Variants in SEC31B observed in about 807,000 individuals in gnomAD.
SEC31B encodes the protein protein transport protein Sec31B.
SEC31B carries 113 observed loss-of-function variants against 135.0 expected under a neutral mutation model. The ratio of observed to expected loss-of-function variants is 0.84; its 90% confidence interval spans 0.72 to 0.98. The LOEUF (loss-of-function observed/expected upper bound fraction) is 0.98. Ranked by LOEUF, SEC31B falls within the 50% of genes least tolerant of loss-of-function variation. SEC31B has a pLI of 0.00. For missense variants in SEC31B, 1,296 were observed against 1,421.1 expected (o/e 0.91, Z 1.42); for synonymous variants, 508 against 549.4 (o/e 0.92, Z 1.05).
intron 3 of SEC31B, among the ~76,000 whole-genome samples, chr10:100,514,852 G>T (rs1048609827): frequency 7.3e-5 from 11 of 150,876 alleles, no homozygotes; most frequent in Non-Finnish European, 3.0e-5. Flanking sequence ...GTGGTGGCGC[G>T]CACCTGTAGT....
At chr10:100,516,539 C>T (rs1334074007) in intron 2 of SEC31B, among the ~76,000 whole-genome samples, 1 of 150,504 alleles carries the variant, frequency 6.6e-6, no homozygotes, top group Non-Finnish European at 1.5e-5. Context: ...GTCCCAGCTA[C>T]TCAGGAGGCT....
At chr10:100,519,640 G>C (rs1851916449) in intron 1 of SEC31B, 142 bp downstream of exon 1, 1 of 152,352 alleles carries the variant, frequency 6.6e-6, no homozygotes, top group Non-Finnish European at 1.5e-5. Flanking sequence ...CCGAGGCCCG[G>C]ACCCGCGGGC....
At chr10:100,504,892 T>C (rs761318448) in intron 10 of SEC31B, among the ~76,000 whole-genome samples, 6 of 152,054 alleles carry the variant, frequency 3.9e-5, no homozygotes, top group Admixed American at 1.3e-4. Flanking sequence ...AACTGGAACA[T>C]AGAGAACATA....
intron 19 of SEC31B, among the ~76,000 whole-genome samples, chr10:100,493,443 A>G (rs1851343577): frequency 6.6e-6 from 1 of 152,216 alleles, no homozygotes; most frequent in South Asian, 2.1e-4. Flanking sequence ...GAATGAGTGA[A>G]CTACTGGTAC....
At chr10:100,494,256 C>T (rs1429385770) in intron 19 of SEC31B, among the ~76,000 whole-genome samples, 1 of 152,188 alleles carries the variant, frequency 6.6e-6, no homozygotes, top group Non-Finnish European at 1.5e-5. Context: ...TCCAAACTAT[C>T]AGCAATTCTG....
chr10:100,496,292 G>A lies in SEC31B; in HGVS notation c.2276C>T (p.Thr759Ile), dbSNP rs777642860. 5 of 1,614,094 alleles carry A rather than the reference G, an allele frequency of 3.1e-6. No individual in the cohort carries two copies. In the East Asian group the frequency reaches 1.1e-4, roughly 36 times the overall value. ...GTCCCTGGGTAGAAAGCTCATGGCA[G>A]TGGCCAGGCTGCCCTGGGCTGCCAG... ...NLLAAQGSLA[T>I]AMSFLPRDCA... The change falls in exon 18 of 26, where the codon ACT becomes ATT. Residue 759 changes from threonine (T) to isoleucine (I), a missense_variant. Transcript: ENST00000370345.
rs535076924 is a variant in SEC31B at position 100,507,992 on chromosome 10, A to C, written c.555T>G (p.Ser185=). ...CTGCCTTGCCACTGGGGTGAGCAGA[A>C]GACAGAATGTGTTGGGCTTGCCGGT... ...SWNRQAQHIL[S]SAHPSGKAVV... The change falls in exon 6 of 26, where the codon TCT becomes TCG. Residue 185 remains serine, a synonymous_variant. Coordinates refer to ENST00000370345, the MANE Select transcript of SEC31B (RefSeq NM_015490.4). 6.2e-7 allele frequency: 1 copy of C among 1,614,238 alleles called. No individual in the cohort carries two copies. Among genetic ancestry groups the C allele is most frequent in the Non-Finnish European group, 8.5e-7 (1 of 1,180,044 alleles).
intron 7 of SEC31B, 40 bp downstream of exon 7, chr10:100,507,382 TCCA>T: frequency 2.5e-6 from 4 of 1,613,472 alleles, no homozygotes; most frequent in Non-Finnish European, 3.4e-6. Flanking sequence ...CCCAGTTATA[TCCA>T]CCATCCCCCC....
intron 3 of SEC31B, 146 bp downstream of exon 3, chr10:100,515,950 A>T (rs1851833389): frequency 1.0e-6 from 1 of 1,002,336 alleles, no homozygotes; most frequent in South Asian, 1.5e-5. Context: ...CCTTTTGCAA[A>T]ATAAGCCCAG....
chr10:100,496,443 A>G lies in SEC31B; in HGVS notation c.2137-12T>C, dbSNP rs745812028. ...TTCTCCATCAGGTCCTGTAAGGGCAAGGATGAGGGTGGTAAGCCTTCAATG... is the reference window on the plus strand; with the variant it reads ...TTCTCCATCAGGTCCTGTAAGGGCAGGGATGAGGGTGGTAAGCCTTCAATG... On this transcript the variant is annotated splice_polypyrimidine_tract_variant and intron_variant, in intron 17 of 25. Coordinates refer to ENST00000370345, the MANE Select transcript of SEC31B (RefSeq NM_015490.4). 1 of 1,613,854 alleles carries G rather than the reference A, an allele frequency of 6.2e-7. No homozygotes were observed. Among genetic ancestry groups the G allele is most frequent in the South Asian group, 1.1e-5 (1 of 91,052 alleles).
At chr10:100,517,223 T>G (rs1303567993) in intron 1 of SEC31B, among the ~76,000 whole-genome samples, 1 of 152,250 alleles carries the variant, frequency 6.6e-6, no homozygotes, top group Non-Finnish European at 1.5e-5. Context: ...ACAGGTCCAG[T>G]GGTGATAACC....
intron 10 of SEC31B, among the ~76,000 whole-genome samples, chr10:100,504,091 G>T (rs1851580001): frequency 6.6e-6 from 1 of 152,072 alleles, no homozygotes. Context: ...TAATTTTCTG[G>T]GCAGGCATCA....
intron 3 of SEC31B, among the ~76,000 whole-genome samples, chr10:100,510,215 C>G (rs549802041): frequency 2.2e-4 from 33 of 152,316 alleles, no homozygotes; most frequent in African/African-American, 7.9e-4. Flanking sequence ...AGCAGGCTCC[C>G]TAGACCAACA....
At chr10:100,490,904 C>G (rs1433922459) in intron 19 of SEC31B, 21 bp from the exon 20 acceptor site, 34 of 1,392,722 alleles carry the variant, frequency 2.4e-5, no homozygotes, top group Non-Finnish European at 3.0e-5. Flanking sequence ...AAAAAAACAT[C>G]AGCTCTTGGA....
At chr10:100,504,626 T>G (rs1191077874) in intron 10 of SEC31B, among the ~76,000 whole-genome samples, 3 of 152,298 alleles carry the variant, frequency 2.0e-5, no homozygotes, top group East Asian at 3.9e-4. Context: ...TAGGGTAATA[T>G]GCATATATGT....
chr10:100,506,566 A>G, intron 7 of SEC31B, 146 bp from the exon 8 acceptor site: 2 of 705,174 alleles, frequency 2.8e-6, no homozygotes, highest in South Asian at 3.9e-5. Context: ...TTACAAATGA[A>G]TAAAATGAGG....
Position 100,498,747 on chromosome 10 carries a change from C to T in SEC31B, c.1642G>A (p.Val548Ile). 1 of 1,613,870 alleles carries T rather than the reference C, an allele frequency of 6.2e-7. No individual in the cohort carries two copies. The highest frequency in any genetic ancestry group is 8.5e-7 in the Non-Finnish European group (1 of 1,179,860). The change falls in exon 14 of 26, where the codon GTC (valine) becomes ATC (isoleucine). Residue 548 changes from valine (V) to isoleucine (I), a missense_variant. Val to Ile is a conservative substitution (Grantham distance 29). Coordinates refer to ENST00000370345, the MANE Select transcript of SEC31B (RefSeq NM_015490.4). Reference sequence around the variant, plus strand: ...TCCCAAGGAGTCATGTTCTGAGGGACCAGCTCATCAAAGAAGGCTGAGGAA... The same window carrying T: ...TCCCAAGGAGTCATGTTCTGAGGGATCAGCTCATCAAAGAAGGCTGAGGAA... ...SASSAFFDEL[V>I]PQNMTPWEIP...
intron 18 of SEC31B, 151 bp downstream of exon 18, chr10:100,496,107 T>C: frequency 1.3e-6 from 1 of 799,946 alleles, no homozygotes; most frequent in Non-Finnish European, 2.0e-6. Flanking sequence ...ACATCTGATC[T>C]TCCCCCAGTA....
At chr10:100,514,703 C>A (rs1051452010) in intron 3 of SEC31B, among the ~76,000 whole-genome samples, 1 of 152,116 alleles carries the variant, frequency 6.6e-6, no homozygotes, top group African/African-American at 2.4e-5. Context: ...TAACTAATCT[C>A]TTAGAGGGAC....
Sources: allele counts gnomAD v4.1 joint callset (sites outside exome capture counted in the v4.1 genomes callset), GRCh38; gene constraint gnomAD v4.1.1; transcripts MANE v1.5; gene names NCBI Gene and HGNC (gene_info 2026-07-23, HGNC 2026-07-21).